SARNP: variants seen among roughly 807,000 people sequenced by gnomAD.
The protein encoded by SARNP is SAP domain containing ribonucleoprotein, also known as SAP domain-containing ribonucleoprotein.
Under a neutral mutation model 38.1 loss-of-function variants are expected in SARNP, and 5 were observed. The ratio of observed to expected loss-of-function variants is 0.13; its 90% CI spans 0.07 to 0.28. The LOEUF (loss-of-function observed/expected upper bound fraction) is 0.28. SARNP is among the 10% of genes least tolerant of loss of function. The probability of loss-of-function intolerance (pLI) is 1.00; values close to 1 mark genes in which losing one functional copy is unlikely to be tolerated. For missense variants in SARNP, 180 were observed against 243.9 expected, an observed-to-expected ratio of 0.74 and a Z score of 1.75; for synonymous variants, 84 against 80.6, an observed-to-expected ratio of 1.04 and a Z score of -0.23.
chr12:55,811,190 C>G (rs1880317528), intron 1 of SARNP, among the ~76,000 whole-genome samples: 1 of 152,146 alleles, frequency 6.6e-6, no homozygotes, highest in African/African-American at 2.4e-5. Flanking sequence ...GATGGGAACT[C>G]AAAATCCTTA....
rs915158321 is a variant in SARNP at position 55,760,565 on chromosome 12, T to C, written c.577A>G (p.Thr193Ala). The change falls in exon 10 of 11, where the codon ACA (threonine) becomes GCA (alanine). Residue 193 changes from threonine (T) to alanine (A), a missense_variant. Thr to Ala is a moderately conservative substitution (Grantham distance 58). Transcript: ENST00000336133. ...TATATTTTTACCTCTGTATCCTCTGTGGTTCCAGTTCCAGCTGAACTTGTG... is the reference window on the plus strand; with the variant it reads ...TATATTTTTACCTCTGTATCCTCTGCGGTTCCAGTTCCAGCTGAACTTGTG... ...IVTSSAGTGTTEDTEAKKRKR... is the reference protein window; with the variant it reads ...IVTSSAGTGTAEDTEAKKRKR... 2.5e-6 allele frequency: 4 copies of C among 1,607,866 alleles called. No homozygotes were observed. Among genetic ancestry groups the C allele is most frequent in the African/African-American group, 1.3e-5 (1 of 74,808 alleles).
downstream of SARNP, chr12:55,754,560 T>G (rs1192823083): frequency 1.3e-5 from 2 of 152,214 alleles, no homozygotes; most frequent in African/African-American, 4.8e-5. Context: ...AAAATACGAC[T>G]GCATTAACTG....
At chr12:55,770,820 T>C (rs1467728084) in intron 9 of SARNP, among the ~76,000 whole-genome samples, 4 of 152,140 alleles carry the variant, frequency 2.6e-5, no homozygotes, top group Non-Finnish European at 5.9e-5. Flanking sequence ...CTAAATACAG[T>C]AAAGAATACT....
intron 9 of SARNP, among the ~76,000 whole-genome samples, chr12:55,772,365 T>C (rs1879032335): frequency 6.6e-6 from 1 of 152,140 alleles, no homozygotes; most frequent in Non-Finnish European, 1.5e-5. Flanking sequence ...GAATTGCATC[T>C]CCTCTTATCT....
intron 1 of SARNP, among the ~76,000 whole-genome samples, chr12:55,809,226 T>C (rs1880250798): frequency 6.8e-6 from 1 of 147,040 alleles, no homozygotes; most frequent in Non-Finnish European, 1.5e-5. Context: ...AAAAATATTT[T>C]AACAAGTATA....
intron 9 of SARNP, among the ~76,000 whole-genome samples, chr12:55,787,624 A>G (rs550647708): frequency 6.6e-6 from 1 of 152,036 alleles, no homozygotes; most frequent in East Asian, 1.9e-4. Flanking sequence ...TTTAGTAGAG[A>G]CAGGGTTTCA....
Position 55,790,172 on chromosome 12 carries a change from T to TA in SARNP, c.432+394dup, listed in dbSNP as rs761294546. Reference sequence around the variant, plus strand: ...ATTTCACATTTCACGGATAGTATTTTAAAAAAAAAAAAAAAAGCACTATCT... The same window carrying TA: ...ATTTCACATTTCACGGATAGTATTTTAAAAAAAAAAAAAAAAAGCACTATCT... On this transcript the variant is annotated intron_variant, in intron 8 of 10. Transcript: ENST00000336133. 7.8e-3 allele frequency among the ~76,000 whole-genome samples: 1,057 copies of TA among 134,700 alleles called. 9 individuals carry two copies. Among genetic ancestry groups the TA allele is most frequent in the African/African-American group, 0.022 (825 of 36,816 alleles). 88.4% of individuals were successfully genotyped at this position (134,700 alleles called of 152,430 possible).
intron 9 of SARNP, among the ~76,000 whole-genome samples, chr12:55,773,785 A>G (rs929264329): frequency 3.3e-5 from 5 of 151,272 alleles, no homozygotes; most frequent in Non-Finnish European, 7.4e-5. Context: ...ATCTCTGCTC[A>G]CTGCAACCCT....
intron 1 of SARNP, among the ~76,000 whole-genome samples, chr12:55,805,519 C>T (rs1880111893): frequency 6.6e-6 from 1 of 152,200 alleles, no homozygotes; most frequent in Non-Finnish European, 1.5e-5. Flanking sequence ...CAACAGCAGC[C>T]TAGCTAACAT....
At chr12:55,759,722 T>TA (rs1878618880) in intron 10 of SARNP, among the ~76,000 whole-genome samples, 1 of 152,020 alleles carries the variant, frequency 6.6e-6, no homozygotes. Context: ...ATTATAGGCG[T>TA]AAGCCACCAT....
chr12:55,774,387 T>A (rs571812240), intron 9 of SARNP, among the ~76,000 whole-genome samples: 1 of 151,690 alleles, frequency 6.6e-6, no homozygotes, highest in South Asian at 2.1e-4. Flanking sequence ...GACTCCTCTA[T>A]ACCCCAATAA....
rs531508586 is a variant in SARNP, at chr12:55,813,071, G to C, written c.36+4595C>G. Among the ~76,000 whole-genome samples the C allele has an allele frequency of 4.6e-5, 7 of 151,890 alleles. No individual in the cohort carries two copies. In the South Asian group the frequency reaches 1.5e-3, roughly 31 times the overall value. ...AGTGATTCTCCTGTCTCAGCCTCCC[G>C]AGTAGCTGGGATTACAAGTGCGCGC... On this transcript the variant is annotated intron_variant, in intron 1 of 10. Coordinates refer to ENST00000336133, the MANE Select transcript of SARNP (RefSeq NM_033082.4).
rs538982887 is a variant in SARNP at position 55,767,083 on chromosome 12, T to C, written c.502-6443A>G. Among the ~76,000 whole-genome samples, 18 of 152,334 alleles carry C rather than the reference T, an allele frequency of 1.2e-4. No individual in the cohort carries two copies. The South Asian group carries it at 3.7e-3, about 32-fold the overall frequency. ...ACAGACATTCAAGCCTGCTCCAAGA[T>C]ACAAATTACATGTGTAAAGAGTGCT... On this transcript the variant is annotated intron_variant, in intron 9 of 10. Coordinates refer to ENST00000336133, the MANE Select transcript of SARNP (RefSeq NM_033082.4).
chr12:55,809,585 T>C (rs1880263388), intron 1 of SARNP, among the ~76,000 whole-genome samples: 1 of 141,596 alleles, frequency 7.1e-6, no homozygotes, highest in African/African-American at 2.7e-5. Flanking sequence ...TGAGACCCTG[T>C]CTCTCAAAAA....
intron 9 of SARNP, among the ~76,000 whole-genome samples, chr12:55,785,306 G>A (rs2136191889): frequency 6.6e-6 from 1 of 152,110 alleles, no homozygotes; most frequent in Non-Finnish European, 1.5e-5. Context: ...CTTAAAATGG[G>A]CGCTGAAATC....
chr12:55,793,928 G>A (rs1879746422), intron 7 of SARNP: 1 of 179,284 alleles, frequency 5.6e-6, no homozygotes, highest in Non-Finnish European at 1.2e-5. Flanking sequence ...TAATCCCTGA[G>A]GCTAAGTCTT....
intron 1 of SARNP, among the ~76,000 whole-genome samples, chr12:55,804,175 T>C (rs1400877799): frequency 6.6e-6 from 1 of 152,176 alleles, no homozygotes; most frequent in African/African-American, 2.4e-5. Flanking sequence ...ACCATATACA[T>C]GCATACAGGT....
chr12:55,787,140 G>A (rs1353335672), intron 9 of SARNP, among the ~76,000 whole-genome samples: 1 of 151,846 alleles, frequency 6.6e-6, no homozygotes, highest in Non-Finnish European at 1.5e-5. Context: ...GCTGAGGTGG[G>A]AGGCTTGCTT....
At chr12:55,797,287 T>G (rs1051269529) in intron 4 of SARNP, among the ~76,000 whole-genome samples, 1 of 152,206 alleles carries the variant, frequency 6.6e-6, no homozygotes, top group African/African-American at 2.4e-5. Flanking sequence ...CCCTGCTGAC[T>G]ATAACGAAGT....
Sources: gnomAD v4.1 joint callset for allele counts (sites outside exome capture counted in the v4.1 genomes callset) on GRCh38, gnomAD v4.1.1 for gene constraint, MANE v1.5 for transcripts, NCBI Gene and HGNC (gene_info 2026-07-23, HGNC 2026-07-21) for gene names.